NOL4L: variants seen among roughly 807,000 people sequenced by gnomAD.
The protein encoded by NOL4L is nucleolar protein 4-like.
A neutral mutation model predicts 64.5 loss-of-function variants in NOL4L; 7 were observed. The observed-to-expected ratio is 0.11, with a 90% CI of 0.06 to 0.20. The LOEUF is 0.20. Ranked by LOEUF, NOL4L falls within the 10% of genes least tolerant of loss-of-function variation. The probability of loss-of-function intolerance (pLI) is 1.00; values close to 1 mark genes in which losing one functional copy is unlikely to be tolerated. For missense variants in NOL4L, 680 were observed against 967.1 expected (o/e 0.70, Z 3.94); for synonymous variants, 413 against 401.0 (o/e 1.03, Z -0.36).
chr20:32,461,547 C>T (rs896228496), intron 5 of NOL4L, among the ~76,000 whole-genome samples: 3 of 151,138 alleles, frequency 2.0e-5, no homozygotes, highest in Non-Finnish European at 4.4e-5. Context: ...CTCGGCTTCC[C>T]GAGTAGCTGG....
At chr20:32,580,226 C>A (rs1980382148) in intron 1 of NOL4L, among the ~76,000 whole-genome samples, 1 of 152,174 alleles carries the variant, frequency 6.6e-6, no homozygotes, top group Non-Finnish European at 1.5e-5. Flanking sequence ...CAGCACTGGC[C>A]TCTAGGCTGC....
Position 32,456,285 on chromosome 20 carries a change from C to T in NOL4L, c.952G>A (p.Ala318Thr), listed in dbSNP as rs200550848. Reference sequence around the variant, plus strand: ...GTGGTGAAGTCCATGGGGGCCACGGCGCCGTTGCCATTCATCTCGGGGAAG... The same window carrying T: ...GTGGTGAAGTCCATGGGGGCCACGGTGCCGTTGCCATTCATCTCGGGGAAG... ...PAFPEMNGNG[A>T]VAPMDFTTAA... Residue 318 changes from alanine (A) to threonine (T), a missense_variant, in exon 6 of 11, where the codon GCC becomes ACC. Coordinates refer to ENST00000621426, the MANE Select transcript of NOL4L (RefSeq NM_001256798.2). 55 of 1,585,570 alleles carry T rather than the reference C, an allele frequency of 3.5e-5. No individual in the cohort carries two copies. The highest frequency in any genetic ancestry group is 2.6e-4 in the East Asian group (11 of 43,040).
intron 1 of NOL4L, among the ~76,000 whole-genome samples, chr20:32,567,314 G>C (rs1979489580): frequency 6.6e-6 from 1 of 152,216 alleles, no homozygotes; most frequent in Non-Finnish European, 1.5e-5. Flanking sequence ...GCTGAGAACA[G>C]AGCCTTCTTT....
chr20:32,535,546 C>T, intron 1 of NOL4L: 4 of 981,216 alleles, frequency 4.1e-6, no homozygotes, highest in Non-Finnish European at 4.8e-6. Context: ...TCACATATTC[C>T]AAGACCTCCT....
At position 32,447,605 on chromosome 20, in the gene NOL4L, C is replaced by A; in HGVS notation, c.2034G>T (p.Gln678His). The A allele has an allele frequency of 2.5e-6, 4 of 1,599,604 alleles. No individual in the cohort carries two copies. Among genetic ancestry groups the A allele is most frequent in the Non-Finnish European group, 3.4e-6 (4 of 1,177,872 alleles). ...CCAGGTGCCGGTGGGGTCAGTTCTGCTGTAGGATGAGGTTTTCCAGTTCAT... is the reference window on the plus strand; with the variant it reads ...CCAGGTGCCGGTGGGGTCAGTTCTGATGTAGGATGAGGTTTTCCAGTTCAT... ...SADELENLILQQN is the reference protein window; with the variant it reads ...SADELENLILHQN Residue 678 changes from glutamine (Q) to histidine (H), a missense_variant, in exon 11 of 11, where the codon CAG becomes CAT. Gln to His is a conservative substitution (Grantham distance 24). This residue lies in a region of NOL4L where 175 missense variants were observed against 227.0 expected (regional missense o/e 0.77). Coordinates refer to ENST00000621426, the MANE Select transcript of NOL4L (RefSeq NM_001256798.2).
intron 4 of NOL4L, among the ~76,000 whole-genome samples, chr20:32,475,533 G>A (rs948108570): frequency 6.6e-6 from 1 of 152,234 alleles, no homozygotes; most frequent in Non-Finnish European, 1.5e-5. Context: ...CCAGTCATCC[G>A]GGAACCCCCG....
chr20:32,553,884 A>G (rs538035570), intron 1 of NOL4L, among the ~76,000 whole-genome samples: 1 of 152,354 alleles, frequency 6.6e-6, no homozygotes, highest in South Asian at 2.1e-4. Context: ...ACGTGCCTGG[A>G]TGGGTTCCTT....
intron 4 of NOL4L, among the ~76,000 whole-genome samples, chr20:32,489,070 G>A (rs1442017607): frequency 1.8e-5 from 2 of 111,548 alleles, no homozygotes; most frequent in Admixed American, 9.8e-5. Context: ...TTTTTATTTA[G>A]TTTATGACAA....
intron 1 of NOL4L, among the ~76,000 whole-genome samples, chr20:32,574,215 T>C (rs1281864638): frequency 6.6e-6 from 1 of 152,238 alleles, no homozygotes; most frequent in East Asian, 1.9e-4. Flanking sequence ...CTCTGCCCAG[T>C]CAAGAGCCCC....
chr20:32,478,032 G>C (rs1288507412), intron 4 of NOL4L, among the ~76,000 whole-genome samples: 1 of 152,086 alleles, frequency 6.6e-6, no homozygotes, highest in African/African-American at 2.4e-5. Flanking sequence ...GGCCCGCCCC[G>C]CCTGCCCCAA....
chr20:32,514,576 A>G (rs1278350874), intron 3 of NOL4L, among the ~76,000 whole-genome samples: 1 of 151,772 alleles, frequency 6.6e-6, no homozygotes, highest in Non-Finnish European at 1.5e-5. Context: ...CCTTTTTTTA[A>G]GAGAGACTTC....
chr20:32,468,571 T>C lies in NOL4L; in HGVS notation c.841+6030A>G, dbSNP rs575078244. On this transcript the variant is annotated intron_variant, in intron 5 of 10. Transcript: ENST00000621426. Reference sequence around the variant, plus strand: ...GACTCAGGCCACATGGGGCCAGCCCTGAGGGGCACCCTGCAGCGCCACTTC... The same window carrying C: ...GACTCAGGCCACATGGGGCCAGCCCCGAGGGGCACCCTGCAGCGCCACTTC... Among the ~76,000 whole-genome samples, 4 of 152,250 alleles carry C rather than the reference T, an allele frequency of 2.6e-5. No homozygotes were observed. In the East Asian group the frequency reaches 7.7e-4, roughly 29 times the overall value.
chr20:32,536,433 C>T, intron 1 of NOL4L: 1 of 464,444 alleles, frequency 2.2e-6, no homozygotes, highest in Non-Finnish European at 2.8e-6. Flanking sequence ...GTTGACAGCG[C>T]GCGCTGGGGC....
rs1430832947 is a variant in NOL4L, at chr20:32,468,601, A to C, written c.841+6000T>G. Among the ~76,000 whole-genome samples, 5 of 152,274 alleles carry C rather than the reference A, an allele frequency of 3.3e-5. No individual in the cohort carries two copies. The South Asian group carries it at 1.0e-3, about 32-fold the overall frequency. ...GGCACCCTGCAGCGCCACTTCCAGC[A>C]ATGAAAAACAGGGACTTGGCCAAGC... On this transcript the variant is annotated intron_variant, in intron 5 of 10. Transcript: ENST00000621426.
rs2012220110 is a variant in NOL4L, at chr20:32,443,692, A to G, written c.*3904T>C. Reference sequence around the variant, plus strand: ...TCTAAATTATGCCAGAGGACTAAAGACCTCTTGGGTTGTCCCTAAATCCTG... The same window carrying G: ...TCTAAATTATGCCAGAGGACTAAAGGCCTCTTGGGTTGTCCCTAAATCCTG... On this transcript the variant is annotated 3_prime_UTR_variant, in exon 11 of 11. Coordinates refer to ENST00000621426, the MANE Select transcript of NOL4L (RefSeq NM_001256798.2). 6.6e-6 allele frequency: 1 copy of G among 152,130 alleles called. No individual in the cohort carries two copies. The highest frequency in any genetic ancestry group is 6.6e-5 in the Admixed American group (1 of 15,264). 9.4% of individuals were successfully genotyped at this position (152,130 alleles called of 1,614,324 possible). A position where few individuals can be genotyped will look rare whatever the true frequency, so the allele number is the denominator to read the frequency against.
chr20:32,478,527 G>A (rs1188982141), intron 4 of NOL4L, among the ~76,000 whole-genome samples: 3 of 152,174 alleles, frequency 2.0e-5, no homozygotes, highest in African/African-American at 7.2e-5. Context: ...TCCCCAGGAA[G>A]TTTTCCCACA....
Position 32,453,625 on chromosome 20 carries a change from T to C in NOL4L, c.1256A>G (p.Lys419Arg). The C allele has an allele frequency of 6.2e-7, 1 of 1,610,830 alleles. No homozygotes were observed. Among genetic ancestry groups the C allele is most frequent in the Non-Finnish European group, 8.5e-7 (1 of 1,178,300 alleles). Residue 419 changes from lysine (K) to arginine (R), a missense_variant, in exon 7 of 11, where the codon AAG (lysine) becomes AGG (arginine). Around this residue, in one of 4 missense-constraint regions of NOL4L, gnomAD observed 70 missense variants for 166.1 expected, o/e 0.42. Coordinates refer to ENST00000621426, the MANE Select transcript of NOL4L (RefSeq NM_001256798.2). This position sits in a 1 kb window ranked among gnomAD's most constrained non-coding sequence, Gnocchi z 5.6. ...GTCCATGCCTTCAGAGTCGTTCATC[T>C]TGTCATTGTCCTCATGGTCATCGTG... ...DDHDDHEDND[K>R]MNDSEGMDPE... is the part of the protein sequence containing the mutation.
At chr20:32,510,269 G>A (rs1179671738) in intron 4 of NOL4L, 1 of 327,388 alleles carries the variant, frequency 3.1e-6, no homozygotes, top group East Asian at 7.6e-5. Flanking sequence ...ACAGCCTCTA[G>A]GGTCTGGGCA....
In NOL4L at chr20:32,456,258, C is replaced by A; in HGVS notation, c.979G>T (p.Ala327Ser). 1 of 1,604,364 alleles carries A rather than the reference C, an allele frequency of 6.2e-7. No homozygotes were observed. The highest frequency in any genetic ancestry group is 8.5e-7 in the Non-Finnish European group (1 of 1,175,590). Residue 327 changes from alanine (A) to serine (S), a missense_variant, in exon 6 of 11, where the codon GCC (alanine) becomes TCC (serine). By Grantham distance (99) the Ala-to-Ser change is moderately conservative. Around this residue, in one of 4 missense-constraint regions of NOL4L, gnomAD observed 254 missense variants for 238.7 expected, o/e 1.06. Transcript: ENST00000621426. ...AGGTTGATGGGCTGATCCTCGGCGG[C>A]CGTGGTGAAGTCCATGGGGGCCACG... is the stretch of plus-strand genomic sequence containing the variant. ...GAVAPMDFTTAAEDQPINLCD... is the reference protein window; with the variant it reads ...GAVAPMDFTTSAEDQPINLCD...
Sources: gnomAD v4.1 joint callset for allele counts (sites outside exome capture counted in the v4.1 genomes callset) on GRCh38, gnomAD v4.1.1 for gene constraint, gnomAD v4.1.1 regional missense constraint, Gnocchi (gnomAD v3.1) non-coding constraint, MANE v1.5 for transcripts, NCBI Gene and HGNC (gene_info 2026-07-23, HGNC 2026-07-21) for gene names.